The following U2SURP variants were observed in gnomAD, a reference collection of about 807,000 sequenced individuals.
U2SURP encodes the protein U2 snRNP associated SURP domain containing, also known as U2 snRNP-associated SURP motif-containing protein.
In U2SURP, 9 loss-of-function variants were observed where a neutral mutation model predicts 144.9. That is an observed-to-expected ratio of 0.06 (90% CI 0.04 to 0.11). The LOEUF (loss-of-function observed/expected upper bound fraction) is 0.11, where lower values mean the gene tolerates loss of function less well. Ranked by LOEUF, U2SURP falls within the 10% of genes least tolerant of loss-of-function variation. U2SURP has a pLI of 1.00. For missense variants in U2SURP, 724 were observed against 1,226.7 expected, an observed-to-expected ratio of 0.59 and a Z score of 6.12; for synonymous variants, 408 against 396.8, an observed-to-expected ratio of 1.03 and a Z score of -0.33.
intron 13 of U2SURP, chr3:143,025,784 A>G (rs969761489): frequency 1.3e-5 from 2 of 152,006 alleles, no homozygotes; most frequent in Admixed American, 1.3e-4. Context: ...AATTTTTTTT[A>G]CTTCCTTTAG....
chr3:143,046,354 G>T, intron 24 of U2SURP, among the ~76,000 whole-genome samples: 2 of 118,892 alleles, frequency 1.7e-5, no homozygotes, highest in African/African-American at 3.2e-5. Flanking sequence ...ATCATTCTTG[G>T]GTGTTTCTCG....
chr3:143,016,203 T>G, intron 4 of U2SURP, 54 bp from the exon 5 acceptor site: 1 of 1,517,384 alleles, frequency 6.6e-7, no homozygotes, highest in Non-Finnish European at 9.1e-7. Flanking sequence ...TTTAGCCTTG[T>G]GTACATTAAC....
chr3:143,043,341 T>A, intron 24 of U2SURP, 65 bp downstream of exon 24: 2 of 1,489,336 alleles, frequency 1.3e-6, no homozygotes, highest in Non-Finnish European at 1.8e-6. Flanking sequence ...CCAAACTAAG[T>A]TGCCTCTTTG....
chr3:143,017,444 GT>G (rs1407540195), intron 6 of U2SURP: 4 of 151,984 alleles, frequency 2.6e-5, no homozygotes, highest in Admixed American at 6.6e-5. Flanking sequence ...TGAGGGTTTA[GT>G]TTTTATGGGA....
At chr3:143,049,624 C>T (rs908710264) in intron 24 of U2SURP, among the ~76,000 whole-genome samples, 4 of 152,058 alleles carry the variant, frequency 2.6e-5, no homozygotes, top group Non-Finnish European at 4.4e-5. Flanking sequence ...TTTGTCCTCC[C>T]GTAGAATTCA....
At chr3:143,034,718 TCAAG>T (rs752867500) in intron 18 of U2SURP, 166 bp from the exon 19 acceptor site, 4 of 543,820 alleles carry the variant, frequency 7.4e-6, no homozygotes, top group Non-Finnish European at 1.3e-5. Context: ...TAATAAGAGT[TCAAG>T]CAATTCAGTT....
chr3:143,029,197 C>G (rs1481748575), intron 16 of U2SURP, among the ~76,000 whole-genome samples: 4 of 152,160 alleles, frequency 2.6e-5, no homozygotes, highest in African/African-American at 7.2e-5. Flanking sequence ...TCCTGTATAC[C>G]TCATGGGAAA....
intron 23 of U2SURP, among the ~76,000 whole-genome samples, chr3:143,042,378 A>G (rs1384582688): frequency 2.6e-5 from 4 of 152,068 alleles, no homozygotes; most frequent in Admixed American, 1.3e-4. Flanking sequence ...AAGCTCATGT[A>G]TTTTCTAGAT....
intron 1 of U2SURP, 122 bp downstream of exon 1, chr3:143,001,795 C>T: frequency 6.1e-6 from 8 of 1,319,112 alleles, no homozygotes; most frequent in Non-Finnish European, 8.5e-6. Context: ...CGACGGTAGG[C>T]CCGGGCGCCG....
Position 143,032,910 on chromosome 3 carries a change from G to C in U2SURP, c.1737G>C (p.Glu579Asp), listed in dbSNP as rs774576224. Residue 579 changes from glutamate to aspartate, a missense_variant, in exon 17 of 28, where the codon GAG (glutamate) becomes GAC (aspartate). Transcript: ENST00000473835. ...AAEEIVDCIT[E>D]SLSILKTPLP... ...AAGAAATAGTGGATTGCATTACTGA[G>C]TCGTTGTCCATCTTAAAGACACCCC... 1 of 1,613,438 alleles carries C rather than the reference G, an allele frequency of 6.2e-7. No individual in the cohort carries two copies. The highest frequency in any genetic ancestry group is 8.5e-7 in the Non-Finnish European group (1 of 1,179,654).
intron 1 of U2SURP, among the ~76,000 whole-genome samples, chr3:143,008,991 C>A (rs995854995): frequency 6.6e-6 from 1 of 152,170 alleles, no homozygotes; most frequent in Non-Finnish European, 1.5e-5. Context: ...CCACCCGCCT[C>A]GGCCTCCCAA....
chr3:143,011,140 T>C (rs1936104947), intron 2 of U2SURP, among the ~76,000 whole-genome samples: 1 of 152,138 alleles, frequency 6.6e-6, no homozygotes, highest in South Asian at 2.1e-4. Context: ...ATACTTTGAC[T>C]ATGGGATTGC....
At chr3:143,041,480 C>T (rs760740213) in intron 23 of U2SURP, among the ~76,000 whole-genome samples, 3 of 151,750 alleles carry the variant, frequency 2.0e-5, no homozygotes, top group Non-Finnish European at 4.4e-5. Flanking sequence ...TTGTGTGGTT[C>T]TGAAGATGAA....
At chr3:143,002,449 T>G (rs2108261806) in intron 1 of U2SURP, 1 of 152,356 alleles carries the variant, frequency 6.6e-6, no homozygotes, top group Admixed American at 6.5e-5. Context: ...TGGTAGTAGT[T>G]AAGCATTAGT....
intron 1 of U2SURP, among the ~76,000 whole-genome samples, chr3:143,002,950 C>A (rs1331060075): frequency 6.6e-6 from 1 of 152,090 alleles, no homozygotes; most frequent in Non-Finnish European, 1.5e-5. Flanking sequence ...CGAGCTCTAC[C>A]AACTCTTCTC....
At chr3:143,023,902 A>G (rs1332324050) in intron 12 of U2SURP, 73 bp from the exon 13 acceptor site, 2 of 1,406,698 alleles carry the variant, frequency 1.4e-6, no homozygotes, top group South Asian at 1.2e-5. Flanking sequence ...ATGCATATGT[A>G]TATTTTTGCT....
At chr3:143,023,293 T>C (rs1319897620) in intron 12 of U2SURP, 1 of 448,512 alleles carries the variant, frequency 2.2e-6, no homozygotes, top group Admixed American at 4.0e-5. Context: ...CTTGTTAAGT[T>C]TTTTTTCCTT....
At chr3:143,004,863 C>T (rs1475812410) in intron 1 of U2SURP, among the ~76,000 whole-genome samples, 4 of 151,828 alleles carry the variant, frequency 2.6e-5, no homozygotes, top group African/African-American at 9.7e-5. Context: ...TAAAATATTG[C>T]TTGGTTGGGG....
intron 6 of U2SURP, among the ~76,000 whole-genome samples, chr3:143,018,300 G>A (rs933694185): frequency 6.6e-6 from 1 of 151,720 alleles, no homozygotes; most frequent in Non-Finnish European, 1.5e-5. Flanking sequence ...ATTATATAAC[G>A]TGGTCTTTTG....
Sources: gnomAD v4.1 joint callset for allele counts (sites outside exome capture counted in the v4.1 genomes callset) on GRCh38, gnomAD v4.1.1 for gene constraint, MANE v1.5 for transcripts, NCBI Gene and HGNC (gene_info 2026-07-23, HGNC 2026-07-21) for gene names.